SHISAL2B: variants seen among roughly 807,000 people sequenced by gnomAD.
The protein encoded by SHISAL2B is protein shisa-like-2B.
A neutral mutation model predicts 16.5 loss-of-function variants in SHISAL2B; 12 were observed. The observed-to-expected ratio is 0.73, with a 90% CI of 0.47 to 1.18. The LOEUF is 1.18. SHISAL2B is among the 50% of genes most tolerant of loss of function. The probability of loss-of-function intolerance (pLI) is 0.00; values close to 1 mark genes in which losing one functional copy is unlikely to be tolerated. For synonymous variants in SHISAL2B, 72 were observed against 75.0 expected, an observed-to-expected ratio of 0.96 and a Z score of 0.21; for missense variants, 183 against 193.6, an observed-to-expected ratio of 0.95 and a Z score of 0.33.
intron 1 of SHISAL2B, among the ~76,000 whole-genome samples, chr5:64,691,790 C>T (rs947319501): frequency 2.0e-5 from 3 of 152,134 alleles, no homozygotes; most frequent in Non-Finnish European, 4.4e-5. Flanking sequence ...AATCAAGGAA[C>T]GAGCTCCCAC....
chr5:64,695,140 C>G (rs1357895478), intron 1 of SHISAL2B, among the ~76,000 whole-genome samples: 4 of 152,036 alleles, frequency 2.6e-5, no homozygotes, highest in African/African-American at 9.7e-5. Flanking sequence ...TGGCGTGCAC[C>G]TGTAGTCCCA....
chr5:64,690,596 C>A lies in SHISAL2B; in HGVS notation c.-28C>A, dbSNP rs376261361. On this transcript the variant is annotated 5_prime_UTR_variant, in exon 1 of 3. Coordinates refer to ENST00000389074, the MANE Select transcript of SHISAL2B (RefSeq NM_001164442.2). Reference sequence around the variant, plus strand: ...CGATCCGAGAGCAGACCGGGGCCCTCGCGAGCCTCTCCCGGCCCCTGCCCG... The same window carrying A: ...CGATCCGAGAGCAGACCGGGGCCCTAGCGAGCCTCTCCCGGCCCCTGCCCG... 3.3e-5 allele frequency: 48 copies of A among 1,443,004 alleles called. No individual in the cohort carries two copies. The East Asian group carries it at 5.3e-4, about 16-fold the overall frequency. 89.4% of individuals were successfully genotyped at this position (1,443,004 alleles called of 1,614,324 possible).
intron 1 of SHISAL2B, among the ~76,000 whole-genome samples, chr5:64,693,100 C>T (rs1459540107): frequency 3.9e-5 from 6 of 151,956 alleles, no homozygotes; most frequent in Non-Finnish European, 8.8e-5. Context: ...CTTCGCCTTC[C>T]GGGTTCACGC....
chr5:64,697,400 G>A (rs1360582229), intron 2 of SHISAL2B, among the ~76,000 whole-genome samples: 1 of 152,206 alleles, frequency 6.6e-6, no homozygotes, highest in Non-Finnish European at 1.5e-5. Context: ...ATTTATATGT[G>A]TGTAGTGTGA....
At chr5:64,700,520 C>T (rs1741794440) in intron 2 of SHISAL2B, among the ~76,000 whole-genome samples, 1 of 152,200 alleles carries the variant, frequency 6.6e-6, no homozygotes, top group Non-Finnish European at 1.5e-5. Flanking sequence ...AAGCCATTCT[C>T]CCACCTCAGC....
intron 2 of SHISAL2B, among the ~76,000 whole-genome samples, chr5:64,707,877 C>A (rs925540419): frequency 2.0e-5 from 3 of 152,184 alleles, no homozygotes; most frequent in African/African-American, 7.2e-5. Flanking sequence ...TTTCAGCTCT[C>A]TGAGAGTCCT....
Position 64,690,819 on chromosome 5 carries a change from G to A in SHISAL2B, c.191+5G>A, listed in dbSNP as rs765901659. The A allele has an allele frequency of 2.0e-6, 3 of 1,500,572 alleles. No homozygotes were observed. The highest frequency in any genetic ancestry group is 2.1e-5 in the Admixed American group (1 of 46,712). 93.0% of individuals were successfully genotyped at this position (1,500,572 alleles called of 1,614,324 possible). On this transcript the variant is annotated splice_donor_5th_base_variant and intron_variant, in intron 1 of 2. Coordinates refer to ENST00000389074, the MANE Select transcript of SHISAL2B (RefSeq NM_001164442.2). ...CAGCTACATGTGGAGCCTCAGGTGG[G>A]CTGAGAGCCCGCGCGTGCGGCGGCT...
intron 2 of SHISAL2B, among the ~76,000 whole-genome samples, chr5:64,716,252 T>A (rs1418776118): frequency 6.6e-6 from 1 of 152,238 alleles, no homozygotes; most frequent in Non-Finnish European, 1.5e-5. Flanking sequence ...TAGGCATGCA[T>A]TATTTGCTCT....
intron 2 of SHISAL2B, among the ~76,000 whole-genome samples, chr5:64,712,716 G>T (rs1340460687): frequency 6.6e-6 from 1 of 151,872 alleles, no homozygotes; most frequent in Non-Finnish European, 1.5e-5. Context: ...TATGAATCTG[G>T]GTGCTCCTGT....
chr5:64,702,101 T>G (rs1362344787), intron 2 of SHISAL2B, among the ~76,000 whole-genome samples: 1 of 152,178 alleles, frequency 6.6e-6, no homozygotes, highest in African/African-American at 2.4e-5. Flanking sequence ...GATAAAAGAT[T>G]CAAGTATAAA....
rs878900095 is a variant in SHISAL2B at position 64,695,442 on chromosome 5, T to G, written c.192-65T>G. Reference sequence around the variant, plus strand: ...CAAGAATTAACAATATATTTATGCCTTCTCTTTAGTTGAACCAGTGTGAAC... The same window carrying G: ...CAAGAATTAACAATATATTTATGCCGTCTCTTTAGTTGAACCAGTGTGAAC... On this transcript the variant is annotated intron_variant, in intron 1 of 2. Transcript: ENST00000389074. 3 of 1,116,054 alleles carry G rather than the reference T, an allele frequency of 2.7e-6. No homozygotes were observed. In the Admixed American group the frequency reaches 9.2e-5, roughly 34 times the overall value. The allele number at this position is 1,116,054 out of a possible 1,614,324, so 69.1% of individuals were successfully genotyped here.
intron 2 of SHISAL2B, among the ~76,000 whole-genome samples, chr5:64,704,370 A>G (rs1741848368): frequency 6.6e-6 from 1 of 152,258 alleles, no homozygotes; most frequent in African/African-American, 2.4e-5. Flanking sequence ...TGTGATGAGG[A>G]TAGGTAGAAA....
rs190672357 is a variant in SHISAL2B, at chr5:64,703,578, A to G, written c.349+7914A>G. On this transcript the variant is annotated intron_variant, in intron 2 of 2. Coordinates refer to ENST00000389074, the MANE Select transcript of SHISAL2B (RefSeq NM_001164442.2). ...CTCAGTCATGTTCAAACCAATAAGCAAAATAGAAGCCAGTATCTCATTGAA... is the reference window on the plus strand; with the variant it reads ...CTCAGTCATGTTCAAACCAATAAGCGAAATAGAAGCCAGTATCTCATTGAA... 7.4e-3 allele frequency among the ~76,000 whole-genome samples: 1,130 copies of G among 152,328 alleles called. 7 individuals are homozygous for G. The highest frequency in any genetic ancestry group is 1.0e-2 in the Non-Finnish European group (680 of 68,026).
At chr5:64,692,312 G>A (rs956918400) in intron 1 of SHISAL2B, among the ~76,000 whole-genome samples, 2 of 152,202 alleles carry the variant, frequency 1.3e-5, no homozygotes, top group Non-Finnish European at 2.9e-5. Context: ...AAAGTGACAA[G>A]CAATAGAGGA....
intron 1 of SHISAL2B, 75 bp downstream of exon 1, chr5:64,690,889 G>A: frequency 7.7e-7 from 1 of 1,302,128 alleles, no homozygotes; most frequent in Non-Finnish European, 1.0e-6. Context: ...GCCACGCCAG[G>A]GCCAGGGAGG....
intron 2 of SHISAL2B, among the ~76,000 whole-genome samples, chr5:64,696,781 C>A (rs965591422): frequency 2.0e-5 from 3 of 152,226 alleles, no homozygotes; most frequent in East Asian, 3.8e-4. Flanking sequence ...TTTATCAAGA[C>A]AATACGTGCA....
At position 64,702,540 on chromosome 5, in the gene SHISAL2B, C is replaced by T. The variant is rs1054017601; in HGVS notation, c.349+6876C>T. Among the ~76,000 whole-genome samples, 17 of 151,866 alleles carry T rather than the reference C, an allele frequency of 1.1e-4. No individual in the cohort carries two copies. The East Asian group carries it at 1.5e-3, about 14-fold the overall frequency. On this transcript the variant is annotated intron_variant, in intron 2 of 2. Transcript: ENST00000389074. ...TTTAACTATATTTTCTAATATAGTT[C>T]GAAGTATTAGTAATTAGTTATAGTT...
chr5:64,716,040 G>A (rs1373464240), intron 2 of SHISAL2B, among the ~76,000 whole-genome samples: 18 of 152,142 alleles, frequency 1.2e-4, no homozygotes, highest in African/African-American at 3.6e-4. Flanking sequence ...ATGCTACACC[G>A]TTGACCAAGA....
chr5:64,705,950 G>C (rs1362745177), intron 2 of SHISAL2B, among the ~76,000 whole-genome samples: 1 of 152,142 alleles, frequency 6.6e-6, no homozygotes, highest in East Asian at 1.9e-4. Context: ...CTTGAGCCCA[G>C]GATTTCAAGG....
Sources: allele counts gnomAD v4.1 joint callset (sites outside exome capture counted in the v4.1 genomes callset), GRCh38; gene constraint gnomAD v4.1.1; transcripts MANE v1.5; gene names NCBI Gene and HGNC (gene_info 2026-07-23, HGNC 2026-07-21).